FKTN: variants seen among roughly 807,000 people sequenced by gnomAD.
FKTN encodes the protein fukutin, also known as ribitol-5-phosphate transferase FKTN.
In FKTN, 47 loss-of-function variants were observed where a neutral mutation model predicts 58.6. That is an observed-to-expected ratio of 0.80 (90% CI 0.63 to 1.02). The LOEUF (loss-of-function observed/expected upper bound fraction) is 1.02. Among genes scored for constraint, FKTN ranks in the 50% least tolerant of loss-of-function variants. The pLI, the probability that FKTN is intolerant of heterozygous loss-of-function variation, is 0.00. For synonymous variants in FKTN, 178 were observed against 191.9 expected, an observed-to-expected ratio of 0.93 and a Z score of 0.60; for missense variants, 516 against 537.3, an observed-to-expected ratio of 0.96 and a Z score of 0.39.
rs547624455 is a variant in FKTN, at chr9:105,595,398, G to A, written c.106-1200G>A. ...TATCCCAAACTCAACAAATTGAACA[G>A]CTCAGAAATATAGCTGAGCTGTATT... On this transcript the variant is annotated intron_variant, in intron 3 of 10. Transcript: ENST00000357998. Among the ~76,000 whole-genome samples, 4 of 152,274 alleles carry A rather than the reference G, an allele frequency of 2.6e-5. No individual in the cohort carries two copies. In the South Asian group the frequency reaches 8.3e-4, roughly 32 times the overall value.
rs1248571908 is a variant in FKTN, at chr9:105,638,130, C to A, written c.*2866C>A. 2.0e-6 allele frequency: 2 copies of A among 982,234 alleles called. No homozygotes were observed. The highest frequency in any genetic ancestry group is 2.4e-6 in the Non-Finnish European group (2 of 827,076). 60.8% of individuals were successfully genotyped at this position (982,234 alleles called of 1,614,324 possible). A position where few individuals can be genotyped will look rare whatever the true frequency, so the allele number is the denominator to read the frequency against. On this transcript the variant is annotated 3_prime_UTR_variant, in exon 11 of 11. Coordinates refer to ENST00000357998, the MANE Select transcript of FKTN (RefSeq NM_001079802.2). ...ATAAATAATCACAGAAAAGAATGAT[C>A]TGAACAAGAACAGCTGAGGCTAAAA...
chr9:105,599,568 A>T (rs568810885), intron 4 of FKTN, among the ~76,000 whole-genome samples: 35 of 143,250 alleles, frequency 2.4e-4, no homozygotes, highest in African/African-American at 9.2e-4. Flanking sequence ...CCACCTTGTG[A>T]TCTCGGCTCA....
intron 1 of FKTN, among the ~76,000 whole-genome samples, chr9:105,571,770 C>T (rs1281725286): frequency 6.6e-6 from 1 of 152,170 alleles, no homozygotes. Flanking sequence ...AGGGCAGTCT[C>T]CTTGTTAATC....
At chr9:105,620,170 A>G in intron 10 of FKTN, 109 bp downstream of exon 10, 5 of 878,484 alleles carry the variant, frequency 5.7e-6, no homozygotes, top group East Asian at 5.2e-5. Context: ...TCAAGACTCC[A>G]TTATTAGCTA....
intron 7 of FKTN, among the ~76,000 whole-genome samples, chr9:105,615,001 AACCTCTCG>A (rs1830560051): frequency 1.3e-5 from 2 of 151,102 alleles, no homozygotes; most frequent in South Asian, 4.2e-4. Flanking sequence ...CTCTTGCCTC[AACCTCTCG>A]AGTAGCTGGA....
intron 3 of FKTN, among the ~76,000 whole-genome samples, chr9:105,582,733 T>G (rs1296343524): frequency 6.6e-6 from 1 of 152,184 alleles, no homozygotes; most frequent in Non-Finnish European, 1.5e-5. Context: ...AGTCCTAGAG[T>G]AGAAATTCTA....
chr9:105,598,687 G>A (rs1365030291), intron 4 of FKTN: 10 of 152,176 alleles, frequency 6.6e-5, no homozygotes, highest in Admixed American at 2.6e-4. Flanking sequence ...ACAACTTGGA[G>A]GATGTGTTTA....
chr9:105,580,954 C>T (rs372421703), intron 3 of FKTN, among the ~76,000 whole-genome samples: 1,267 of 122,184 alleles, frequency 0.01, 46 homozygotes, highest in African/African-American at 0.044. Flanking sequence ...TCCAGTTGAT[C>T]GCATCGGCTC....
chr9:105,610,755 C>T lies in FKTN; in HGVS notation c.780+2804C>T, dbSNP rs189768637. Among the ~76,000 whole-genome samples, 1,382 of 152,082 alleles carry T rather than the reference C, an allele frequency of 9.1e-3. 29 individuals are homozygous for T. Among genetic ancestry groups the T allele is most frequent in the African/African-American group, 0.032 (1,324 of 41,386 alleles). On this transcript the variant is annotated intron_variant, in intron 7 of 10. Coordinates refer to ENST00000357998, the MANE Select transcript of FKTN (RefSeq NM_001079802.2). ...TTCATGTGGATGTCCTCATTACCTG[C>T]CTAGGCTCTGATACCCCGTATCAGG...
chr9:105,563,358 C>T (rs1838669195), intron 1 of FKTN, among the ~76,000 whole-genome samples: 1 of 151,334 alleles, frequency 6.6e-6, no homozygotes, highest in Non-Finnish European at 1.5e-5. Context: ...CAAGGCATCA[C>T]CTCACCCGGG....
chr9:105,639,788 G>A lies in FKTN; in HGVS notation c.*4524G>A. 3.5e-6 allele frequency: 4 copies of A among 1,134,162 alleles called. No homozygotes were observed. The highest frequency in any genetic ancestry group is 1.6e-5 in the African/African-American group (1 of 62,338). 70.3% of individuals were successfully genotyped at this position (1,134,162 alleles called of 1,614,324 possible). ...GTATTTTCATTTTCTTGGTTAAGCA[G>A]TTGTCTCCTAATATTATCCCATATG... is the stretch of plus-strand genomic sequence containing the variant. On this transcript the variant is annotated 3_prime_UTR_variant, in exon 11 of 11. Transcript: ENST00000357998.
intron 1 of FKTN, among the ~76,000 whole-genome samples, chr9:105,563,806 G>A (rs1461729107): frequency 6.6e-6 from 1 of 152,154 alleles, no homozygotes; most frequent in South Asian, 2.1e-4. Context: ...AGAGAGTAGT[G>A]GTTCTCCCAG....
chr9:105,576,161 T>A (rs1481547217), intron 3 of FKTN, among the ~76,000 whole-genome samples: 7 of 147,648 alleles, frequency 4.7e-5, no homozygotes, highest in Middle Eastern at 3.5e-3. Flanking sequence ...TTTTTTTTTT[T>A]AATTAATTTA....
At position 105,636,380 on chromosome 9, in the gene FKTN, T is replaced by C. The variant is rs1834035435; in HGVS notation, c.*1116T>C. ...TCAGATCTCCAAAATGGAAGCTAAA[T>C]GGTGGACTTGACAACTATTCACCCT... On this transcript the variant is annotated 3_prime_UTR_variant, in exon 11 of 11. Transcript: ENST00000357998. The C allele has an allele frequency of 1.0e-6, 1 of 985,736 alleles. No homozygotes were observed. Among genetic ancestry groups the C allele is most frequent in the African/African-American group, 1.7e-5 (1 of 57,238 alleles). 61.1% of individuals were successfully genotyped at this position (985,736 alleles called of 1,614,324 possible). A position where few individuals can be genotyped will look rare whatever the true frequency, so the allele number is the denominator to read the frequency against.
chr9:105,604,376 T>C lies in FKTN; in HGVS notation c.531T>C (p.His177=), dbSNP rs534638144. Residue 177 remains histidine, a synonymous_variant, in exon 6 of 11, where the codon CAT becomes CAC. Coordinates refer to ENST00000357998, the MANE Select transcript of FKTN (RefSeq NM_001079802.2). ...ATHAIHLVVF[H]ERSGNYLWHG... Reference sequence around the variant, plus strand: ...ATGCGATCCACTTGGTAGTCTTTCATGAGAGGAGTGGCAACTACCTCTGGC... The same window carrying C: ...ATGCGATCCACTTGGTAGTCTTTCACGAGAGGAGTGGCAACTACCTCTGGC... 1 of 1,614,172 alleles carries C rather than the reference T, an allele frequency of 6.2e-7. No individual in the cohort carries two copies. The highest frequency in any genetic ancestry group is 8.5e-7 in the Non-Finnish European group (1 of 1,179,992).
At chr9:105,615,512 G>GTTTATTC in intron 8 of FKTN, 105 bp downstream of exon 8, 3 of 1,084,394 alleles carry the variant, frequency 2.8e-6, no homozygotes, top group Non-Finnish European at 4.3e-6. Context: ...GAAGTGTCAT[G>GTTTATTC]TGTATAGACA....
At chr9:105,569,596 G>A (rs1840374030) in intron 1 of FKTN, among the ~76,000 whole-genome samples, 2 of 152,186 alleles carry the variant, frequency 1.3e-5, no homozygotes, top group South Asian at 2.1e-4. Context: ...TCATGATTTA[G>A]TTGGTAAGCA....
At chr9:105,600,152 A>G (rs1004739523) in intron 4 of FKTN, among the ~76,000 whole-genome samples, 5 of 152,186 alleles carry the variant, frequency 3.3e-5, no homozygotes, top group African/African-American at 7.2e-5. Flanking sequence ...ATAAACCCCT[A>G]TAAGGCAGAG....
At chr9:105,611,170 G>C (rs1235131337) in intron 7 of FKTN, among the ~76,000 whole-genome samples, 1 of 152,074 alleles carries the variant, frequency 6.6e-6, no homozygotes, top group African/African-American at 2.4e-5. Context: ...CTTATTCTTT[G>C]ATATAAGGTT....
Sources: gnomAD v4.1 joint callset for allele counts (sites outside exome capture counted in the v4.1 genomes callset) on GRCh38, gnomAD v4.1.1 for gene constraint, MANE v1.5 for transcripts, NCBI Gene and HGNC (gene_info 2026-07-23, HGNC 2026-07-21) for gene names.